The following TMEM87A variants were observed in gnomAD, a reference collection of about 807,000 sequenced individuals.
TMEM87A encodes Golgi-pH regulating cation channel.
Under a neutral mutation model 90.0 loss-of-function variants are expected in TMEM87A, and 50 were observed. That is an observed-to-expected ratio of 0.56 (90% CI 0.44 to 0.70). TMEM87A has a LOEUF of 0.70. TMEM87A is among the 30% of genes least tolerant of loss of function. TMEM87A has a pLI of 0.00. For missense variants in TMEM87A, 577 were observed against 660.5 expected (o/e 0.87, Z 1.39); for synonymous variants, 226 against 226.7 (o/e 1.00, Z 0.03).
At chr15:42,219,142 G>C (rs920765943) in intron 17 of TMEM87A, among the ~76,000 whole-genome samples, 5 of 152,080 alleles carry the variant, frequency 3.3e-5, no homozygotes, top group Admixed American at 2.0e-4. Flanking sequence ...GTTTTCATTT[G>C]CATTTCCCTG....
At chr15:42,214,848 A>G (rs1032845609) in intron 19 of TMEM87A, among the ~76,000 whole-genome samples, 3 of 152,208 alleles carry the variant, frequency 2.0e-5, no homozygotes, top group African/African-American at 7.2e-5. Context: ...CAATGGGACT[A>G]CATCAAACTA....
intron 15 of TMEM87A, among the ~76,000 whole-genome samples, chr15:42,225,928 C>A (rs2050583408): frequency 6.6e-6 from 1 of 152,168 alleles, no homozygotes; most frequent in South Asian, 2.1e-4. Context: ...TACTGTGCTT[C>A]CCAGATTTTG....
At chr15:42,273,477 G>C, upstream of TMEM87A, 1 of 1,585,608 alleles carries the variant, frequency 6.3e-7, no homozygotes, top group Non-Finnish European at 8.6e-7. Flanking sequence ...TCTGCTCTAA[G>C]GGCGGGATTA....
At chr15:42,236,973 G>A (rs967585137) in intron 9 of TMEM87A, among the ~76,000 whole-genome samples, 1 of 152,152 alleles carries the variant, frequency 6.6e-6, no homozygotes, top group African/African-American at 2.4e-5. Flanking sequence ...GTCATTACCA[G>A]TTCACCTTAC....
intron 8 of TMEM87A, among the ~76,000 whole-genome samples, chr15:42,239,371 C>A (rs1200025322): frequency 6.6e-6 from 1 of 152,032 alleles, no homozygotes; most frequent in East Asian, 1.9e-4. Flanking sequence ...GGATCAGAAA[C>A]AATAGAGTTG....
At chr15:42,223,290 G>A (rs954993339) in intron 15 of TMEM87A, among the ~76,000 whole-genome samples, 5 of 152,078 alleles carry the variant, frequency 3.3e-5, no homozygotes, top group African/African-American at 1.2e-4. Context: ...CTACTCAGGA[G>A]GCTGAGGTGG....
At position 42,264,699 on chromosome 15, in the gene TMEM87A, A is replaced by ATAT. The variant is rs10681614; in HGVS notation, c.292-497_292-496insATA. ...TATGTGTGTGTATATATATATATATATTTTTTTTTTAACTTTTATTTTAGG... is the reference window on the plus strand; with the variant it reads ...TATGTGTGTGTATATATATATATATATATTTTTTTTTTTAACTTTTATTTTAGG... On this transcript the variant is annotated intron_variant, in intron 3 of 19. Transcript: ENST00000389834. 3.7e-3 allele frequency among the ~76,000 whole-genome samples: 406 copies of ATAT among 109,434 alleles called. 7 individuals carry two copies. The highest frequency in any genetic ancestry group is 0.012 in the African/African-American group (387 of 32,518). 71.8% of individuals were successfully genotyped at this position (109,434 alleles called of 152,430 possible). A position where few individuals can be genotyped will look rare whatever the true frequency, so the allele number is the denominator to read the frequency against.
rs781463219 is a variant in TMEM87A, at chr15:42,236,374, C to A, written c.914G>T (p.Arg305Leu). ...GATGACCAGGGTTCGAGCCAGTGAG[C>A]GTTTCACTGCTGAAAGCAGCTCTGC... The part of the protein sequence containing the change: ...ILAELLSAVK[R>L]SLARTLVIIV... Residue 305 changes from arginine (R) to leucine (L), a missense_variant, in exon 10 of 20, where the codon CGC (arginine) becomes CTC (leucine). Arg to Leu is a moderately radical substitution (Grantham distance 102). Transcript: ENST00000389834. The A allele has an allele frequency of 6.2e-6, 10 of 1,613,932 alleles. No homozygotes were observed. Among genetic ancestry groups the A allele is most frequent in the Non-Finnish European group, 8.5e-6 (10 of 1,179,964 alleles).
chr15:42,219,965 AC>A, intron 16 of TMEM87A, 96 bp downstream of exon 16: 2 of 1,201,586 alleles, frequency 1.7e-6, no homozygotes, highest in Non-Finnish European at 2.3e-6. Flanking sequence ...TTCATCCCAC[AC>A]CAAATATAGG....
intron 15 of TMEM87A, chr15:42,226,533 C>T: frequency 2.6e-6 from 1 of 385,426 alleles, no homozygotes; most frequent in South Asian, 4.9e-5. Flanking sequence ...GTATTTATCA[C>T]AAAATGTCAG....
At chr15:42,242,469 A>G (rs1458313872) in intron 7 of TMEM87A, among the ~76,000 whole-genome samples, 3 of 151,992 alleles carry the variant, frequency 2.0e-5, no homozygotes, top group Non-Finnish European at 4.4e-5. Context: ...AATCCATTAG[A>G]AAGTCATGGG....
At position 42,244,110 on chromosome 15, in the gene TMEM87A, T is replaced by A. The variant is rs1000710894; in HGVS notation, c.562A>T (p.Ile188Phe). 2.5e-6 allele frequency: 4 copies of A among 1,581,066 alleles called. No individual in the cohort carries two copies. In the African/African-American group the frequency reaches 5.5e-5, roughly 22 times the overall value. Residue 188 changes from isoleucine (I) to phenylalanine (F), a missense_variant, in exon 7 of 20, where the codon ATT (isoleucine) becomes TTT (phenylalanine). Ile to Phe is a conservative substitution (Grantham distance 21, BLOSUM62 0). Coordinates refer to ENST00000389834, the MANE Select transcript of TMEM87A (RefSeq NM_015497.5). The part of the protein sequence containing the change: ...QDAPYIFIVH[I>F]GISSSKESSK... ...GATTCCTTTGAGGATGAAATGCCAA[T>A]ATGTACAATAAAAATGTATGGTGCA...
At chr15:42,218,218 T>C in intron 18 of TMEM87A, 105 bp downstream of exon 18, 1 of 1,104,028 alleles carries the variant, frequency 9.1e-7, no homozygotes, top group South Asian at 1.5e-5. Context: ...TTAATTATTT[T>C]TCAGTATCTT....
At position 42,220,150 on chromosome 15, in the gene TMEM87A, G is replaced by A. The variant is rs2050450183; in HGVS notation, c.1404-15C>T. The A allele has an allele frequency of 6.3e-7, 1 of 1,576,744 alleles. No individual in the cohort carries two copies. Among genetic ancestry groups the A allele is most frequent in the Non-Finnish European group, 8.6e-7 (1 of 1,169,168 alleles). On this transcript the variant is annotated splice_polypyrimidine_tract_variant and intron_variant, in intron 15 of 19. Coordinates refer to ENST00000389834, the MANE Select transcript of TMEM87A (RefSeq NM_015497.5). ...AAAAGGCAAACCTAACAGAACCAAA[G>A]TGAACAGAAGGAAAAAATTAGAAAA...
intron 19 of TMEM87A, among the ~76,000 whole-genome samples, chr15:42,216,312 A>G (rs2050382817): frequency 6.6e-6 from 1 of 152,244 alleles, no homozygotes; most frequent in Admixed American, 6.5e-5. Flanking sequence ...GCTGTACAAC[A>G]TTGTGCTTAT....
chr15:42,241,926 G>T (rs2050877396), intron 7 of TMEM87A, among the ~76,000 whole-genome samples: 1 of 151,700 alleles, frequency 6.6e-6, no homozygotes, highest in East Asian at 1.9e-4. Flanking sequence ...AATTAGCTAG[G>T]TGTGATGGTG....
intron 4 of TMEM87A, among the ~76,000 whole-genome samples, chr15:42,261,504 C>T (rs1566940278): frequency 6.6e-6 from 1 of 152,056 alleles, no homozygotes; most frequent in African/African-American, 2.4e-5. Context: ...TTAAGAATGA[C>T]AAAGCTTTAG....
At chr15:42,263,361 A>C (rs1037775042) in intron 4 of TMEM87A, among the ~76,000 whole-genome samples, 1 of 152,250 alleles carries the variant, frequency 6.6e-6, no homozygotes, top group Non-Finnish European at 1.5e-5. Flanking sequence ...AATTCATGGA[A>C]AGTAGAAGAG....
upstream of TMEM87A, chr15:42,273,456 C>G: frequency 6.2e-7 from 1 of 1,605,180 alleles, no homozygotes; most frequent in South Asian, 1.1e-5. Flanking sequence ...TTCGTCCCGC[C>G]TTCTTCCGGC....
Sources: gnomAD v4.1 joint callset for allele counts (sites outside exome capture counted in the v4.1 genomes callset) on GRCh38, gnomAD v4.1.1 for gene constraint, MANE v1.5 for transcripts, NCBI Gene and HGNC (gene_info 2026-07-23, HGNC 2026-07-21) for gene names.